The following PTPRO variants were observed in gnomAD, a reference collection of about 807,000 sequenced individuals.
PTPRO encodes the protein receptor-type tyrosine-protein phosphatase O.
Under a neutral mutation model 145.2 loss-of-function variants are expected in PTPRO, and 62 were observed. That is an observed-to-expected ratio of 0.43 (90% CI 0.35 to 0.53). The LOEUF is 0.53. Ranked by LOEUF, PTPRO falls within the 20% of genes least tolerant of loss-of-function variation. The pLI, the probability that PTPRO is intolerant of heterozygous loss-of-function variation, is 0.01. For missense variants in PTPRO, 1,345 were observed against 1,482.7 expected, an observed-to-expected ratio of 0.91 and a Z score of 1.53; for synonymous variants, 565 against 514.7, an observed-to-expected ratio of 1.10 and a Z score of -1.32.
chr12:15,452,649 AT>A (rs1591824126), intron 1 of PTPRO, among the ~76,000 whole-genome samples: 1 of 152,220 alleles, frequency 6.6e-6, no homozygotes, highest in East Asian at 1.9e-4. Flanking sequence ...ATAATTCACC[AT>A]GATCAAATGG....
In PTPRO at chr12:15,504,082, G is replaced by C. The variant is rs376356962; in HGVS notation, c.1267+13G>C. On this transcript the variant is annotated intron_variant, in intron 6 of 26. Transcript: ENST00000281171. Reference sequence around the variant, plus strand: ...AGCTTTTATATCAGTAAGTAACAAAGAGATCATTTTACACTTACTGGGGAG... The same window carrying C: ...AGCTTTTATATCAGTAAGTAACAAACAGATCATTTTACACTTACTGGGGAG... The C allele has an allele frequency of 4.4e-6, 7 of 1,604,154 alleles. No homozygotes were observed. The highest frequency in any genetic ancestry group is 1.7e-5 in the Admixed American group (1 of 59,926).
rs553476911 is a variant in PTPRO, at chr12:15,518,746, C to T, written c.1780-1455C>T. On this transcript the variant is annotated intron_variant, in intron 9 of 26. Coordinates refer to ENST00000281171, the MANE Select transcript of PTPRO (RefSeq NM_030667.3). ...AATGCTGCCAGTGTCTTTGCTAAAA[C>T]GTAACAAGAATCACCTTTGCTCCAG... Among the ~76,000 whole-genome samples, 6 of 152,282 alleles carry T rather than the reference C, an allele frequency of 3.9e-5. No individual in the cohort carries two copies. The East Asian group carries it at 7.7e-4, about 20-fold the overall frequency.
intron 1 of PTPRO, among the ~76,000 whole-genome samples, chr12:15,461,451 T>C (rs1941299476): frequency 6.6e-6 from 1 of 152,190 alleles, no homozygotes; most frequent in Non-Finnish European, 1.5e-5. Context: ...GGTCACTCAT[T>C]TGGCTCAGAA....
intron 1 of PTPRO, among the ~76,000 whole-genome samples, chr12:15,351,392 C>G (rs944414425): frequency 2.6e-5 from 4 of 152,174 alleles, no homozygotes; most frequent in African/African-American, 9.7e-5. Flanking sequence ...ACTCCTGCCT[C>G]CCTGTAAGTG....
At chr12:15,581,934 G>A in intron 23 of PTPRO, 133 bp downstream of exon 23, 3 of 1,168,732 alleles carry the variant, frequency 2.6e-6, no homozygotes, top group Non-Finnish European at 3.7e-6. Flanking sequence ...AGTGTGGAGT[G>A]GGAAATCAGG....
At chr12:15,456,477 A>G (rs1197295912) in intron 1 of PTPRO, among the ~76,000 whole-genome samples, 1 of 152,054 alleles carries the variant, frequency 6.6e-6, no homozygotes, top group East Asian at 1.9e-4. Flanking sequence ...GAGCCAAGGT[A>G]TTTTACTTGG....
intron 1 of PTPRO, among the ~76,000 whole-genome samples, chr12:15,381,196 A>G (rs1318122539): frequency 1.3e-5 from 2 of 152,182 alleles, no homozygotes; most frequent in Non-Finnish European, 2.9e-5. Context: ...TACAATTTTT[A>G]AGATTCTTGT....
At chr12:15,360,980 A>G (rs1468124252) in intron 1 of PTPRO, among the ~76,000 whole-genome samples, 1 of 149,924 alleles carries the variant, frequency 6.7e-6, no homozygotes, top group Non-Finnish European at 1.5e-5. Flanking sequence ...ACACGTATAT[A>G]TACACACACA....
chr12:15,461,808 C>T lies in PTPRO; in HGVS notation c.76-22166C>T, dbSNP rs529299819. On this transcript the variant is annotated intron_variant, in intron 1 of 26. Coordinates refer to ENST00000281171, the MANE Select transcript of PTPRO (RefSeq NM_030667.3). ...GTCTCGACCTCCTGACCTCGTGATCCGCCCGCCTCAGCCTCCCAAAGTGCT... is the reference window on the plus strand; with the variant it reads ...GTCTCGACCTCCTGACCTCGTGATCTGCCCGCCTCAGCCTCCCAAAGTGCT... Among the ~76,000 whole-genome samples, 28 of 152,032 alleles carry T rather than the reference C, an allele frequency of 1.8e-4. No homozygotes were observed. In the East Asian group the frequency reaches 2.7e-3, roughly 15 times the overall value.
intron 1 of PTPRO, among the ~76,000 whole-genome samples, chr12:15,353,512 G>T (rs1937880449): frequency 6.6e-6 from 1 of 152,112 alleles, no homozygotes; most frequent in South Asian, 2.1e-4. Flanking sequence ...GCCAAATCAG[G>T]ACGATAAGTT....
chr12:15,392,652 C>T (rs557710521), intron 1 of PTPRO, among the ~76,000 whole-genome samples: 5 of 133,150 alleles, frequency 3.8e-5, no homozygotes, highest in Admixed American at 1.7e-4. Flanking sequence ...ACCTCGGAGG[C>T]GGAGGTTTCC....
intron 1 of PTPRO, among the ~76,000 whole-genome samples, chr12:15,368,444 A>G (rs1353292063): frequency 4.6e-5 from 7 of 152,168 alleles, no homozygotes; most frequent in Admixed American, 2.0e-4. Flanking sequence ...CCACTGAATC[A>G]CTGCATAATT....
intron 1 of PTPRO, among the ~76,000 whole-genome samples, chr12:15,372,989 G>A (rs983525666): frequency 7.2e-5 from 11 of 152,096 alleles, no homozygotes; most frequent in South Asian, 2.1e-4. Flanking sequence ...GTCAGTCAAC[G>A]GCATGACTGT....
chr12:15,386,810 A>G (rs923541671), intron 1 of PTPRO, among the ~76,000 whole-genome samples: 2 of 152,176 alleles, frequency 1.3e-5, no homozygotes, highest in Admixed American at 6.5e-5. Context: ...ATGATGCTCA[A>G]TAGTTAATTG....
At chr12:15,520,154 A>T in intron 9 of PTPRO, 47 bp from the exon 10 acceptor site, 1 of 1,279,320 alleles carries the variant, frequency 7.8e-7, no homozygotes, top group Non-Finnish European at 1.1e-6. Flanking sequence ...CAAAAATAGT[A>T]CTTTCTCCCA....
intron 1 of PTPRO, among the ~76,000 whole-genome samples, chr12:15,458,559 G>T (rs1941232385): frequency 6.6e-6 from 1 of 150,658 alleles, no homozygotes; most frequent in Non-Finnish European, 1.5e-5. Context: ...TCCTCTAACT[G>T]AATAATTTCT....
At chr12:15,470,833 G>A in intron 1 of PTPRO, among the ~76,000 whole-genome samples, 1 of 152,182 alleles carries the variant, frequency 6.6e-6, no homozygotes, top group East Asian at 1.9e-4. Flanking sequence ...CAAGGAAATG[G>A]CAGTGCAAGG....
rs768635953 is a variant in PTPRO at position 15,589,567 on chromosome 12, C to T, written c.3523C>T (p.Arg1175Trp). 2 of 1,613,950 alleles carry T rather than the reference C, an allele frequency of 1.2e-6. No homozygotes were observed. Among genetic ancestry groups the T allele is most frequent in the Non-Finnish European group, 8.5e-7 (1 of 1,179,958 alleles). Residue 1175 changes from arginine (R) to tryptophan (W), a missense_variant, in exon 25 of 27, where the codon CGG becomes TGG. Coordinates refer to ENST00000281171, the MANE Select transcript of PTPRO (RefSeq NM_030667.3). ...LGLVSEMRSY[R>W]MSMVQTEEQY... The stretch of plus-strand genomic sequence containing the variant: ...GCTGGTGTCAGAAATGAGGTCATAC[C>T]GGATGTCTATGGTACAGACAGAGGT...
intron 1 of PTPRO, among the ~76,000 whole-genome samples, chr12:15,472,374 A>G (rs1023270024): frequency 3.3e-5 from 5 of 152,226 alleles, no homozygotes; most frequent in Non-Finnish European, 7.3e-5. Flanking sequence ...ACTTTTCTGC[A>G]TTACAAGAGT....
Sources: gnomAD v4.1 joint callset for allele counts (sites outside exome capture counted in the v4.1 genomes callset) on GRCh38, gnomAD v4.1.1 for gene constraint, MANE v1.5 for transcripts, NCBI Gene and HGNC (gene_info 2026-07-23, HGNC 2026-07-21) for gene names.